TMEM132C: variants seen among roughly 807,000 people sequenced by gnomAD.
TMEM132C encodes the protein protein phosphatase 1, regulatory subunit 152.
In TMEM132C, 29 loss-of-function variants were observed where a neutral mutation model predicts 61.4. The observed-to-expected ratio is 0.47, with a 90% confidence interval of 0.35 to 0.64. TMEM132C has a LOEUF of 0.64. TMEM132C is among the 30% of genes least tolerant of loss of function. The pLI, the probability that TMEM132C is intolerant of heterozygous loss-of-function variation, is 0.00. For missense variants in TMEM132C, 1,408 were observed against 1,476.9 expected (o/e 0.95, Z 0.76); for synonymous variants, 656 against 633.1 (o/e 1.04, Z -0.54).
At position 128,570,600 on chromosome 12, in the gene TMEM132C, G is replaced by A. The variant is rs1874843602; in HGVS notation, c.1121+26497G>A. Among the ~76,000 whole-genome samples the A allele has an allele frequency of 6.6e-6, 1 of 152,070 alleles. No individual in the cohort carries two copies. Among genetic ancestry groups the A allele is most frequent in the African/African-American group, 2.4e-5 (1 of 41,386 alleles). ...GTTCAGAGGCTAGGGTTAGGCTGTG[G>A]CTGGCTCAGTGTCTCCACAACGCCA... is the stretch of plus-strand genomic sequence containing the variant. On this transcript the variant is annotated intron_variant, in intron 3 of 8. Coordinates refer to ENST00000435159, the MANE Select transcript of TMEM132C (RefSeq NM_001136103.3). The surrounding 1 kb of genome is among the most constrained non-coding windows in gnomAD (Gnocchi z 4.7).
intron 2 of TMEM132C, among the ~76,000 whole-genome samples, chr12:128,511,281 C>T (rs1222392285): frequency 6.6e-6 from 1 of 152,200 alleles, no homozygotes; most frequent in Non-Finnish European, 1.5e-5. Context: ...CTTCCATAAA[C>T]CAGACACTTA....
intron 1 of TMEM132C, among the ~76,000 whole-genome samples, chr12:128,304,482 A>T (rs2135921154): frequency 6.6e-6 from 1 of 152,158 alleles, no homozygotes; most frequent in Admixed American, 6.5e-5. Context: ...GGTGGCGGGC[A>T]CCTGTAATTC....
intron 1 of TMEM132C, among the ~76,000 whole-genome samples, chr12:128,371,216 T>C (rs1296711313): frequency 2.0e-5 from 3 of 152,212 alleles, no homozygotes; most frequent in Non-Finnish European, 2.9e-5. Context: ...TTGCCTGACC[T>C]ACTTAAAATC....
In TMEM132C at chr12:128,645,206, G is replaced by T. The variant is rs901011777; in HGVS notation, c.1306-24211G>T. ...GTGGAGGGTCTGGGTGGACTATGGC[G>T]CTGTGGCTTTTCAGAACCAGTACGG... On this transcript the variant is annotated intron_variant, in intron 4 of 8. Transcript: ENST00000435159. Among the ~76,000 whole-genome samples, 2 of 152,128 alleles carry T rather than the reference G, an allele frequency of 1.3e-5. 1 individual carries two copies. The highest frequency in any genetic ancestry group is 1.3e-4 in the Admixed American group (2 of 15,276).
rs1464874228 is a variant in TMEM132C, at chr12:128,415,463, G to T, written c.817G>T (p.Gly273Cys). Residue 273 changes from glycine to cysteine, a missense_variant, in exon 2 of 9, where the codon GGC becomes TGC. Physicochemically the swap from Gly to Cys is radical, Grantham distance 159 (BLOSUM62 -3). Coordinates refer to ENST00000435159, the MANE Select transcript of TMEM132C (RefSeq NM_001136103.3). The surrounding 1 kb of genome is among the most constrained non-coding windows in gnomAD (Gnocchi z 5.8). ...CCACCTGCAGAGGATCGGCACCGTCGGCCTTTACCGGGCCCAGGACAGCGC... is the reference window on the plus strand; with the variant it reads ...CCACCTGCAGAGGATCGGCACCGTCTGCCTTTACCGGGCCCAGGACAGCGC... ...TSHLQRIGTV[G>C]LYRAQDSAQL... 1 of 1,551,630 alleles carries T rather than the reference G, an allele frequency of 6.4e-7. No homozygotes were observed. Among genetic ancestry groups the T allele is most frequent in the East Asian group, 2.4e-5 (1 of 40,874 alleles).
At chr12:128,664,217 T>C (rs879530259) in intron 4 of TMEM132C, among the ~76,000 whole-genome samples, 2 of 150,956 alleles carry the variant, frequency 1.3e-5, no homozygotes, top group African/African-American at 2.5e-5. Context: ...CACACATGCC[T>C]GTGTGTGTTC....
At chr12:128,459,759 C>T (rs985318874) in intron 2 of TMEM132C, among the ~76,000 whole-genome samples, 2 of 151,772 alleles carry the variant, frequency 1.3e-5, no homozygotes, top group African/African-American at 4.8e-5. Flanking sequence ...GTGGTGAGTG[C>T]CTGTAATCCC....
chr12:128,531,886 G>A (rs1386794027), intron 2 of TMEM132C, among the ~76,000 whole-genome samples: 1 of 152,210 alleles, frequency 6.6e-6, no homozygotes, highest in Non-Finnish European at 1.5e-5. Flanking sequence ...GCTGCTGCTG[G>A]AGTAAGATGA....
chr12:128,505,261 C>G (rs79678077), intron 2 of TMEM132C, among the ~76,000 whole-genome samples: 6,136 of 152,228 alleles, frequency 0.04, 196 homozygotes, highest in Admixed American at 0.067. Context: ...AATCAACCAA[C>G]AGTCTTGAGA....
chr12:128,316,332 GT>G (rs1565899113), intron 1 of TMEM132C, among the ~76,000 whole-genome samples: 3 of 152,300 alleles, frequency 2.0e-5, no homozygotes, highest in South Asian at 4.2e-4. Flanking sequence ...CTGGGGCGAG[GT>G]TCCCTTCCTC....
At chr12:128,312,894 G>A (rs930986472) in intron 1 of TMEM132C, among the ~76,000 whole-genome samples, 3 of 152,194 alleles carry the variant, frequency 2.0e-5, no homozygotes, top group African/African-American at 4.8e-5. Flanking sequence ...CTTGCCTCCC[G>A]CACATGGGCT....
At chr12:128,334,254 C>A (rs1872737171) in intron 1 of TMEM132C, among the ~76,000 whole-genome samples, 1 of 152,160 alleles carries the variant, frequency 6.6e-6, no homozygotes, top group African/African-American at 2.4e-5. Flanking sequence ...TTGAAATACC[C>A]AGGCTGCACC....
At chr12:128,578,275 C>G (rs1386026499) in intron 3 of TMEM132C, among the ~76,000 whole-genome samples, 1 of 152,178 alleles carries the variant, frequency 6.6e-6, no homozygotes. Flanking sequence ...GAATATAGGT[C>G]ATGCCTGGAA....
chr12:128,592,290 A>G (rs1875781348), intron 3 of TMEM132C, among the ~76,000 whole-genome samples: 1 of 152,116 alleles, frequency 6.6e-6, no homozygotes, highest in South Asian at 2.1e-4. Context: ...ACTTATTTTT[A>G]TCTCCTACTC....
At chr12:128,602,557 G>A (rs778475410) in intron 3 of TMEM132C, among the ~76,000 whole-genome samples, 14 of 152,208 alleles carry the variant, frequency 9.2e-5, no homozygotes, top group African/African-American at 2.4e-4. Context: ...AGGGGTGTAC[G>A]ATTCCATCGT....
intron 1 of TMEM132C, among the ~76,000 whole-genome samples, chr12:128,354,358 T>A (rs1367231240): frequency 6.6e-6 from 1 of 152,084 alleles, no homozygotes; most frequent in Non-Finnish European, 1.5e-5. Context: ...CCTCTCTTTC[T>A]TCTTTCTGTT....
Position 128,415,542 on chromosome 12 carries a change from G to C in TMEM132C, c.896G>C (p.Arg299Thr). ...DGNVVIWLPS[R>T]PVKQGEVVTA... ...AACGTGGTCATCTGGCTGCCTTCCA[G>C]GCCAGTCAAGCAGGGAGAGGTGGTC... is the stretch of plus-strand genomic sequence containing the variant. The change falls in exon 2 of 9, where the codon AGG (arginine) becomes ACG (threonine). Residue 299 changes from arginine to threonine, a missense_variant. Arg to Thr is a moderately conservative substitution (Grantham distance 71). Coordinates refer to ENST00000435159, the MANE Select transcript of TMEM132C (RefSeq NM_001136103.3). This position sits in a 1 kb window ranked among gnomAD's most constrained non-coding sequence, Gnocchi z 5.8. The C allele has an allele frequency of 6.4e-7, 1 of 1,551,400 alleles. No homozygotes were observed. The highest frequency in any genetic ancestry group is 8.7e-7 in the Non-Finnish European group (1 of 1,146,980).
At chr12:128,543,072 A>G (rs909576430) in intron 2 of TMEM132C, among the ~76,000 whole-genome samples, 1 of 152,120 alleles carries the variant, frequency 6.6e-6, no homozygotes, top group Non-Finnish European at 1.5e-5. Flanking sequence ...GAGGCTGGCT[A>G]AGTGGTGTGA....
chr12:128,391,675 C>T (rs1289491432), intron 1 of TMEM132C, among the ~76,000 whole-genome samples: 3 of 152,306 alleles, frequency 2.0e-5, no homozygotes, highest in East Asian at 1.9e-4. Context: ...GTATCATTGT[C>T]CCCATTCCAC....
Sources: allele counts gnomAD v4.1 joint callset (sites outside exome capture counted in the v4.1 genomes callset), GRCh38; gene constraint gnomAD v4.1.1; non-coding constraint Gnocchi (gnomAD v3.1); transcripts MANE v1.5; gene names NCBI Gene and HGNC (gene_info 2026-07-23, HGNC 2026-07-21).